RFX6: variants seen among roughly 807,000 people sequenced by gnomAD.
RFX6 encodes DNA-binding protein RFX6.
A neutral mutation model predicts 110.8 loss-of-function variants in RFX6; 50 were observed. That is an observed-to-expected ratio of 0.45 (90% CI 0.36 to 0.57). The LOEUF is 0.57. RFX6 is among the 20% of genes least tolerant of loss of function. The probability of loss-of-function intolerance (pLI) is 0.00; values close to 1 mark genes in which losing one functional copy is unlikely to be tolerated. For missense variants in RFX6, 990 were observed against 1,127.0 expected (o/e 0.88, Z 1.74); for synonymous variants, 383 against 411.2 (o/e 0.93, Z 0.83).
At chr6:116,886,998 G>A (rs1774712438) in intron 4 of RFX6, among the ~76,000 whole-genome samples, 2 of 152,056 alleles carry the variant, frequency 1.3e-5, no homozygotes, top group African/African-American at 2.4e-5. Flanking sequence ...GAGAGGCGGA[G>A]GTTGCAGTGA....
intron 7 of RFX6, among the ~76,000 whole-genome samples, chr6:116,915,354 G>A (rs546796539): frequency 2.0e-5 from 3 of 152,052 alleles, no homozygotes; most frequent in Non-Finnish European, 4.4e-5. Context: ...TGGGTGCCAG[G>A]CACTGTTCCA....
intron 11 of RFX6, 85 bp from the exon 12 acceptor site, chr6:116,920,225 G>A: frequency 9.8e-7 from 1 of 1,023,820 alleles, no homozygotes; most frequent in Non-Finnish European, 1.6e-6. Context: ...TTATCTCAAG[G>A]AACTATTTTT....
chr6:116,908,656 T>C (rs1174898964), intron 6 of RFX6, among the ~76,000 whole-genome samples: 2 of 145,012 alleles, frequency 1.4e-5, no homozygotes, highest in African/African-American at 5.1e-5. Flanking sequence ...TAAGTTTTCC[T>C]CTATTTCTAG....
intron 18 of RFX6, 64 bp downstream of exon 18, chr6:116,929,035 T>A: frequency 9.9e-7 from 1 of 1,008,620 alleles, no homozygotes; most frequent in Non-Finnish European, 1.6e-6. Flanking sequence ...TATGCAACAT[T>A]ACTTGAGGGA....
chr6:116,922,073 G>A lies in RFX6; in HGVS notation c.1359G>A (p.Lys453=). ...CTATCACTGTGTTCCAAGAACTGAA[G>A]GATCTCCTTAAGAAGAATGCCACTG... ...HDSITVFQEL[K]DLLKKNATVE... Residue 453 remains lysine (K), a synonymous_variant, in exon 13 of 19, where the codon AAG becomes AAA. Coordinates refer to ENST00000332958, the MANE Select transcript of RFX6 (RefSeq NM_173560.4). The A allele has an allele frequency of 1.3e-6, 2 of 1,537,380 alleles. No individual in the cohort carries two copies. The highest frequency in any genetic ancestry group is 1.8e-6 in the Non-Finnish European group (2 of 1,112,420).
intron 16 of RFX6, among the ~76,000 whole-genome samples, chr6:116,926,128 C>T (rs1157324286): frequency 6.6e-6 from 1 of 152,034 alleles, no homozygotes; most frequent in Non-Finnish European, 1.5e-5. Context: ...ACCAGCCTGC[C>T]CAACATGGCA....
rs1774484879 is a variant in RFX6, at chr6:116,877,441, G to T, written c.166G>T (p.Glu56Ter). The T allele has an allele frequency of 6.3e-7, 1 of 1,586,898 alleles. No individual in the cohort carries two copies. The highest frequency in any genetic ancestry group is 1.1e-5 in the South Asian group (1 of 87,290). Residue 56 changes from glutamate to a stop codon, truncating the protein, a stop_gained, in exon 1 of 19, where the codon GAG becomes TAG. Coordinates refer to ENST00000332958, the MANE Select transcript of RFX6 (RefSeq NM_173560.4). LOFTEE classifies it high-confidence loss of function. ...YLAAEGQPGGEQGGGEKGEDP... is the reference protein window; with the variant it reads ...YLAAEGQPGG ...GGCGGCCGAAGGGCAGCCCGGGGGC[G>T]AGCAGGGCGGCGGGGAGAAAGGCGA...
rs339339 is a variant in RFX6, at chr6:116,893,703, A to C, written c.567-284A>C. On this transcript the variant is annotated intron_variant, in intron 4 of 18. Transcript: ENST00000332958. The stretch of plus-strand genomic sequence containing the variant: ...GAGCCAAAGCCTACATTTATACATT[A>C]TTGGGATTTGGAACCTAATGTTTTA... 0.82 allele frequency among the ~76,000 whole-genome samples: 125,412 copies of C among 152,114 alleles called. 51,907 individuals are homozygous for C. The highest frequency in any genetic ancestry group is 0.89 in the East Asian group (4,612 of 5,168).
intron 11 of RFX6, 89 bp from the exon 12 acceptor site, chr6:116,920,221 C>T: frequency 1.0e-6 from 1 of 1,000,618 alleles, no homozygotes; most frequent in Non-Finnish European, 1.6e-6. Flanking sequence ...ACTTTTATCT[C>T]AAGGAACTAT....
chr6:116,930,852 T>C (rs1775868280), intron 18 of RFX6, among the ~76,000 whole-genome samples: 1 of 152,160 alleles, frequency 6.6e-6, no homozygotes, highest in Non-Finnish European at 1.5e-5. Flanking sequence ...TGGTTCATGT[T>C]CCAAGGGTAT....
At chr6:116,923,441 T>C in intron 14 of RFX6, 1 of 554,246 alleles carries the variant, frequency 1.8e-6, no homozygotes, top group Non-Finnish European at 3.2e-6. Flanking sequence ...TATGGGCCAA[T>C]CTGCTCATTG....
intron 6 of RFX6, among the ~76,000 whole-genome samples, chr6:116,897,221 G>A (rs1027533047): frequency 1.3e-5 from 2 of 152,042 alleles, no homozygotes; most frequent in Non-Finnish European, 2.9e-5. Flanking sequence ...CATAGGCCAG[G>A]GTTTCTCAGC....
At chr6:116,921,077 G>A (rs1775584256) in intron 12 of RFX6, among the ~76,000 whole-genome samples, 2 of 152,048 alleles carry the variant, frequency 1.3e-5, no homozygotes, top group Admixed American at 1.3e-4. Context: ...GAATTTCAAG[G>A]GATAACAGCC....
chr6:116,914,487 T>C (rs765961930), intron 7 of RFX6, among the ~76,000 whole-genome samples: 1 of 152,210 alleles, frequency 6.6e-6, no homozygotes, highest in Non-Finnish European at 1.5e-5. Context: ...CTTCCATCTT[T>C]CGTGTGTTAC....
intron 14 of RFX6, among the ~76,000 whole-genome samples, 177 bp from the exon 15 acceptor site, chr6:116,924,492 A>G (rs1257004851): frequency 6.6e-6 from 1 of 152,250 alleles, no homozygotes; most frequent in African/African-American, 2.4e-5. Context: ...CAAGTTAAGC[A>G]TGTTGGTCTT....
intron 7 of RFX6, among the ~76,000 whole-genome samples, chr6:116,913,207 GC>G (rs11343356): frequency 0.36 from 54,052 of 151,958 alleles, 10,591 homozygotes; most frequent in East Asian, 0.51. Context: ...GATTACAAGT[GC>G]CTGCCGACAT....
In RFX6 at chr6:116,929,694, A is replaced by G. The variant is rs145958350; in HGVS notation, c.2611+723A>G. Among the ~76,000 whole-genome samples, 247 of 152,316 alleles carry G rather than the reference A, an allele frequency of 1.6e-3. 1 individual carries two copies. The highest frequency in any genetic ancestry group is 5.7e-3 in the African/African-American group (238 of 41,578). On this transcript the variant is annotated intron_variant, in intron 18 of 18. Transcript: ENST00000332958. ...ATAGATTTAGTTTCTAAAAATACTA[A>G]TAAGATTTCACAGGGCAAGTATATA... is the stretch of plus-strand genomic sequence containing the variant.
At chr6:116,893,839 G>C in intron 4 of RFX6, 148 bp from the exon 5 acceptor site, 1 of 683,152 alleles carries the variant, frequency 1.5e-6, no homozygotes, top group Non-Finnish European at 2.7e-6. Flanking sequence ...AGCACATTAA[G>C]ATGCTGCCTA....
rs78016816 is a variant in RFX6 at position 116,891,321 on chromosome 6, T to A, written c.567-2666T>A. ...TTTTGTGTACCACCTGTGAAGACAG[T>A]GTAGTTTGTTCTCAATCTGCATGGC... On this transcript the variant is annotated intron_variant, in intron 4 of 18. Transcript: ENST00000332958. 9.9e-3 allele frequency among the ~76,000 whole-genome samples: 1,507 copies of A among 152,290 alleles called. 16 individuals are homozygous for A. The highest frequency in any genetic ancestry group is 0.034 in the African/African-American group (1,401 of 41,566).
Sources: gnomAD v4.1 joint callset for allele counts (sites outside exome capture counted in the v4.1 genomes callset) on GRCh38, gnomAD v4.1.1 for gene constraint, MANE v1.5 for transcripts, NCBI Gene and HGNC (gene_info 2026-07-23, HGNC 2026-07-21) for gene names.